USP49: variants seen among roughly 807,000 people sequenced by gnomAD.
USP49 encodes ubiquitin carboxyl-terminal hydrolase 49.
In USP49, 24 loss-of-function variants were observed where a neutral mutation model predicts 58.6. The observed-to-expected ratio is 0.41, with a 90% CI of 0.30 to 0.58. USP49 has a LOEUF of 0.58. USP49 is among the 20% of genes least tolerant of loss of function. The pLI, the probability that USP49 is intolerant of heterozygous loss-of-function variation, is 0.30. For missense variants in USP49, 703 were observed against 866.1 expected, an observed-to-expected ratio of 0.81 and a Z score of 2.36; for synonymous variants, 408 against 365.1, an observed-to-expected ratio of 1.12 and a Z score of -1.34.
chr6:41,823,950 G>GCCTATATTTAAAC (rs1159672304), intron 3 of USP49, among the ~76,000 whole-genome samples: 1 of 152,110 alleles, frequency 6.6e-6, no homozygotes, highest in East Asian at 1.9e-4. Context: ...AATTTAAAAG[G>GCCTATATTTAAAC]TGCACTATAA....
chr6:41,891,041 C>T lies in USP49; in HGVS notation c.-103+753G>A, dbSNP rs1478319101. Among the ~76,000 whole-genome samples the T allele has an allele frequency of 1.1e-4, 16 of 152,286 alleles. No individual in the cohort carries two copies. In the South Asian group the frequency reaches 3.1e-3, roughly 30 times the overall value. On this transcript the variant is annotated intron_variant, in intron 2 of 7. Coordinates refer to ENST00000682992, the MANE Select transcript of USP49 (RefSeq NM_001286554.2). ...ATCTTTACATTATACATAATCGTTA[C>T]GGTGTTTACCCCAGGTTCCTCATCT...
intron 3 of USP49, among the ~76,000 whole-genome samples, chr6:41,853,979 A>G (rs1368601910): frequency 7.2e-6 from 1 of 139,030 alleles, no homozygotes; most frequent in East Asian, 2.1e-4. Context: ...AGCCTGGGCA[A>G]CAACAGCGAG....
chr6:41,826,583 A>G (rs1773541324), intron 3 of USP49, among the ~76,000 whole-genome samples: 1 of 152,224 alleles, frequency 6.6e-6, no homozygotes, highest in African/African-American at 2.4e-5. Context: ...GAATTGTCAC[A>G]TGACAATGAT....
At chr6:41,845,496 G>A (rs9462745) in intron 3 of USP49, among the ~76,000 whole-genome samples, 99 of 151,974 alleles carry the variant, frequency 6.5e-4, no homozygotes, top group African/African-American at 2.3e-3. Context: ...CTCCAGCCTG[G>A]GCAACAAGAG....
chr6:41,892,821 T>C (rs1384191471), intron 1 of USP49, among the ~76,000 whole-genome samples: 1 of 152,208 alleles, frequency 6.6e-6, no homozygotes. Flanking sequence ...TTCTCAACAA[T>C]TGTTTGAATT....
intron 3 of USP49, among the ~76,000 whole-genome samples, chr6:41,865,662 A>AG (rs1391371110): frequency 1.3e-5 from 2 of 151,216 alleles, no homozygotes; most frequent in African/African-American, 4.9e-5. Context: ...TTTAAGAGAC[A>AG]GGGTCTTGCT....
At chr6:41,799,574 T>G (rs1300381428) in intron 6 of USP49, among the ~76,000 whole-genome samples, 1 of 152,154 alleles carries the variant, frequency 6.6e-6, no homozygotes, top group Non-Finnish European at 1.5e-5. Context: ...GGCTAGAAAA[T>G]CTTTAAGCAC....
At chr6:41,817,658 T>G (rs1773381214) in intron 3 of USP49, among the ~76,000 whole-genome samples, 1 of 151,134 alleles carries the variant, frequency 6.6e-6, no homozygotes, top group South Asian at 2.1e-4. Context: ...CTGTGTCATC[T>G]AGGCTGGAGT....
chr6:41,879,598 C>T (rs901948258), intron 2 of USP49, among the ~76,000 whole-genome samples: 3 of 152,152 alleles, frequency 2.0e-5, no homozygotes, highest in African/African-American at 7.2e-5. Context: ...AGCTGCTGGG[C>T]AGAGGATGGG....
chr6:41,829,438 C>G (rs1365732316), intron 3 of USP49, among the ~76,000 whole-genome samples: 1 of 152,060 alleles, frequency 6.6e-6, no homozygotes, highest in Non-Finnish European at 1.5e-5. Flanking sequence ...TTCAGCCTCC[C>G]AAGTAGCTGG....
chr6:41,801,952 T>C (rs1209389292), intron 5 of USP49, among the ~76,000 whole-genome samples: 3 of 152,030 alleles, frequency 2.0e-5, no homozygotes, highest in Non-Finnish European at 4.4e-5. Context: ...TAATCTATCA[T>C]ATCCAAAAAT....
chr6:41,869,311 T>A (rs1377510904), intron 3 of USP49, among the ~76,000 whole-genome samples: 1 of 152,034 alleles, frequency 6.6e-6, no homozygotes, highest in Non-Finnish European at 1.5e-5. Flanking sequence ...GACAGGTGGA[T>A]CACTTGAGTC....
At chr6:41,877,066 C>T (rs1774515342) in intron 2 of USP49, among the ~76,000 whole-genome samples, 1 of 152,186 alleles carries the variant, frequency 6.6e-6, no homozygotes, top group Non-Finnish European at 1.5e-5. Flanking sequence ...TTTCACATTT[C>T]AGTGCACCAC....
At chr6:41,810,069 G>A (rs1033088700) in intron 3 of USP49, among the ~76,000 whole-genome samples, 21 of 150,078 alleles carry the variant, frequency 1.4e-4, no homozygotes, top group African/African-American at 4.4e-4. Flanking sequence ...GGGGAATGGC[G>A]CGAACCCGGG....
At chr6:41,848,748 G>A (rs1283899907) in intron 3 of USP49, among the ~76,000 whole-genome samples, 3 of 151,692 alleles carry the variant, frequency 2.0e-5, no homozygotes, top group African/African-American at 7.3e-5. Context: ...CCAGCTACTT[G>A]GGAGGCTGAG....
intron 3 of USP49, among the ~76,000 whole-genome samples, chr6:41,831,952 C>G (rs897818331): frequency 2.0e-5 from 3 of 152,230 alleles, no homozygotes; most frequent in African/African-American, 7.2e-5. Context: ...TGTACTAACC[C>G]TCAAAAGCCA....
At chr6:41,850,747 G>C (rs1188634307) in intron 3 of USP49, among the ~76,000 whole-genome samples, 1 of 151,482 alleles carries the variant, frequency 6.6e-6, no homozygotes, top group South Asian at 2.1e-4. Flanking sequence ...TGGGACTGCA[G>C]GTGCGCCACC....
chr6:41,870,299 A>G (rs1774391786), intron 3 of USP49, among the ~76,000 whole-genome samples: 1 of 152,220 alleles, frequency 6.6e-6, no homozygotes, highest in African/African-American at 2.4e-5. Context: ...TCCAAATGTC[A>G]AGTTAATAGT....
chr6:41,865,982 C>T (rs1354121733), intron 3 of USP49, among the ~76,000 whole-genome samples: 2 of 131,456 alleles, frequency 1.5e-5, no homozygotes, highest in African/African-American at 5.8e-5. Flanking sequence ...AGTGCAGTGG[C>T]GCGATCTCGG....
Sources: gnomAD v4.1 joint callset for allele counts (sites outside exome capture counted in the v4.1 genomes callset) on GRCh38, gnomAD v4.1.1 for gene constraint, MANE v1.5 for transcripts, NCBI Gene and HGNC (gene_info 2026-07-23, HGNC 2026-07-21) for gene names.